Variants in SNX29 observed in about 807,000 individuals in gnomAD.
The protein encoded by SNX29 is sorting nexin 29, also known as sorting nexin-29.
In SNX29, 78 loss-of-function variants were observed where a neutral mutation model predicts 102.1. The ratio of observed to expected loss-of-function variants is 0.76; its 90% CI spans 0.64 to 0.92. The LOEUF is 0.92. SNX29 is among the 40% of genes least tolerant of loss of function. The pLI, the probability that SNX29 is intolerant of heterozygous loss-of-function variation, is 0.00. For missense variants in SNX29, 1,280 were observed against 1,061.7 expected (o/e 1.21, Z -2.86); for synonymous variants, 580 against 414.5 (o/e 1.40, Z -4.85).
chr16:12,134,541 A>G (rs1002008968), intron 13 of SNX29, among the ~76,000 whole-genome samples: 24 of 152,328 alleles, frequency 1.6e-4, no homozygotes, highest in African/African-American at 5.3e-4. Context: ...CTCCCAACAC[A>G]GTAGCTGACT....
chr16:12,326,073 T>C (rs2081106911), intron 15 of SNX29, among the ~76,000 whole-genome samples: 1 of 151,834 alleles, frequency 6.6e-6, no homozygotes, highest in African/African-American at 2.4e-5. Flanking sequence ...GTGCCCAGGC[T>C]GGAGTGCAGT....
At chr16:12,456,939 A>T (rs541612875) in intron 18 of SNX29, among the ~76,000 whole-genome samples, 1 of 152,124 alleles carries the variant, frequency 6.6e-6, no homozygotes, top group African/African-American at 2.4e-5. Flanking sequence ...CAGAGAGAAC[A>T]CTGTGCATCT....
chr16:12,438,259 C>T (rs112403135), intron 18 of SNX29, among the ~76,000 whole-genome samples: 1,640 of 152,238 alleles, frequency 0.011, 25 homozygotes, highest in African/African-American at 0.036. Flanking sequence ...TGCAGGCGTC[C>T]CAGCCCCACC....
chr16:12,034,510 C>T (rs567876019), intron 4 of SNX29, among the ~76,000 whole-genome samples: 2 of 152,248 alleles, frequency 1.3e-5, no homozygotes, highest in East Asian at 1.9e-4. Context: ...GTGCTGTACC[C>T]GTTGGGCTGT....
At chr16:12,364,891 C>G (rs1373396214) in intron 16 of SNX29, among the ~76,000 whole-genome samples, 1 of 152,206 alleles carries the variant, frequency 6.6e-6, no homozygotes, top group Non-Finnish European at 1.5e-5. Flanking sequence ...CCTCCGCTCT[C>G]TCACTTGTCC....
At chr16:11,986,441 T>C (rs948204585) in intron 1 of SNX29, among the ~76,000 whole-genome samples, 1 of 151,854 alleles carries the variant, frequency 6.6e-6, no homozygotes, top group African/African-American at 2.4e-5. Context: ...AGAATATACC[T>C]TTAAATATAC....
At chr16:12,394,584 A>G (rs1020667922) in intron 16 of SNX29, among the ~76,000 whole-genome samples, 11 of 152,162 alleles carry the variant, frequency 7.2e-5, no homozygotes, top group Non-Finnish European at 1.6e-4. Context: ...GGTGTCGACC[A>G]GGGCTTGACT....
chr16:12,038,269 C>T (rs571930400), intron 4 of SNX29, among the ~76,000 whole-genome samples: 20 of 152,334 alleles, frequency 1.3e-4, no homozygotes, highest in African/African-American at 4.8e-4. Flanking sequence ...AGTGCCTGAA[C>T]TAGAATTTGG....
intron 1 of SNX29, among the ~76,000 whole-genome samples, chr16:11,983,923 A>G (rs533390280): frequency 1.4e-4 from 22 of 152,336 alleles, no homozygotes; most frequent in African/African-American, 5.3e-4. Context: ...GAGAGAAAAA[A>G]AACTTACTTG....
Position 12,532,858 on chromosome 16 carries a change from C to G in SNX29, c.2318+8017C>G, listed in dbSNP as rs534139164. Among the ~76,000 whole-genome samples the G allele has an allele frequency of 3.3e-5, 5 of 152,304 alleles. No individual in the cohort carries two copies. The East Asian group carries it at 7.7e-4, about 23-fold the overall frequency. ...GGGGAGCCAGTGTCTCCCAGAGAAG[C>G]CTTCCCCTGCGTGAGAGAGCTGCAG... On this transcript the variant is annotated intron_variant, in intron 20 of 20. Coordinates refer to ENST00000566228, the MANE Select transcript of SNX29 (RefSeq NM_032167.5).
intron 13 of SNX29, among the ~76,000 whole-genome samples, chr16:12,168,729 T>C (rs1165379826): frequency 6.6e-5 from 10 of 152,250 alleles, no homozygotes; most frequent in Admixed American, 5.9e-4. Flanking sequence ...TAGAATCTTC[T>C]TAACAATAAC....
intron 20 of SNX29, among the ~76,000 whole-genome samples, chr16:12,528,807 C>A (rs1004322278): frequency 7.2e-5 from 11 of 152,338 alleles, no homozygotes; most frequent in African/African-American, 2.4e-4. Context: ...ACTGTGTGTT[C>A]TGTGAACAGG....
chr16:12,048,298 G>A (rs1323717816), intron 6 of SNX29, 74 bp from the exon 7 acceptor site: 2 of 1,603,444 alleles, frequency 1.2e-6, no homozygotes, highest in African/African-American at 1.3e-5. Context: ...TCTGTTGTCT[G>A]CAGCTGTCTT....
chr16:12,552,190 C>T (rs998646244), intron 20 of SNX29, among the ~76,000 whole-genome samples: 2 of 152,164 alleles, frequency 1.3e-5, no homozygotes, highest in Non-Finnish European at 2.9e-5. Flanking sequence ...GAAACAACGG[C>T]AGATAAGGCA....
At chr16:12,300,159 C>T (rs1467890654) in intron 15 of SNX29, among the ~76,000 whole-genome samples, 1 of 152,126 alleles carries the variant, frequency 6.6e-6, no homozygotes, top group Non-Finnish European at 1.5e-5. Flanking sequence ...CGTGTGAGCC[C>T]CTGCAGCTGG....
chr16:12,356,351 C>G, intron 16 of SNX29, 72 bp downstream of exon 16: 2 of 1,391,180 alleles, frequency 1.4e-6, no homozygotes, highest in South Asian at 2.5e-5. Flanking sequence ...AGCACAGAGA[C>G]TCACAGAGCA....
intron 20 of SNX29, among the ~76,000 whole-genome samples, chr16:12,567,362 G>A (rs571366346): frequency 1.3e-5 from 2 of 152,160 alleles, no homozygotes; most frequent in Admixed American, 6.5e-5. Context: ...TTTTTGCCTT[G>A]TTTTAAAACA....
At chr16:12,481,064 C>T (rs769979855) in intron 19 of SNX29, among the ~76,000 whole-genome samples, 1 of 152,196 alleles carries the variant, frequency 6.6e-6, no homozygotes, top group Admixed American at 6.5e-5. Flanking sequence ...TTCCTCACAG[C>T]AGCAAACCTT....
chr16:12,420,745 A>G (rs1367408481), intron 18 of SNX29, among the ~76,000 whole-genome samples: 2 of 152,180 alleles, frequency 1.3e-5, no homozygotes, highest in Non-Finnish European at 2.9e-5. Context: ...TCAAGGTGAG[A>G]TGAGATGAAG....
Sources: allele counts gnomAD v4.1 joint callset (sites outside exome capture counted in the v4.1 genomes callset), GRCh38; gene constraint gnomAD v4.1.1; transcripts MANE v1.5; gene names NCBI Gene and HGNC (gene_info 2026-07-23, HGNC 2026-07-21).